Variants in NDUFA11 observed in about 807,000 individuals in gnomAD.
The protein encoded by NDUFA11 is NADH dehydrogenase [ubiquinone] 1 alpha subcomplex subunit 11.
Under a neutral mutation model 11.3 loss-of-function variants are expected in NDUFA11, and 14 were observed. The observed-to-expected ratio is 1.24, with a 90% CI of 0.82 to 1.94. NDUFA11 has a LOEUF of 1.94. Ranked by LOEUF, NDUFA11 falls within the 30% of genes most tolerant of loss-of-function variation. The pLI is 0.00. For synonymous variants in NDUFA11, 87 were observed against 85.6 expected (o/e 1.02, Z -0.09); for missense variants, 204 against 200.3 (o/e 1.02, Z -0.11).
At chr19:5,900,207 GAAGGGAA>G (rs1270821320) in intron 1 of NDUFA11, among the ~76,000 whole-genome samples, 8 of 152,208 alleles carry the variant, frequency 5.3e-5, no homozygotes, top group South Asian at 2.1e-4. Context: ...CCTTCCCTCT[GAAGGGAA>G]ACTGCTGGTT....
downstream of NDUFA11, chr19:5,892,979 T>C (rs1042019873): frequency 2.4e-5 from 36 of 1,513,194 alleles, no homozygotes; most frequent in Non-Finnish European, 3.2e-5. Flanking sequence ...TGGACAGGTG[T>C]CAGGGCCCCT....
intron 1 of NDUFA11, among the ~76,000 whole-genome samples, chr19:5,900,683 C>T (rs892980906): frequency 1.3e-5 from 2 of 152,070 alleles, no homozygotes; most frequent in Non-Finnish European, 2.9e-5. Flanking sequence ...TTTGGGAGGC[C>T]AAGGCGGGCG....
At position 5,896,783 on chromosome 19, in the gene NDUFA11, G is replaced by A. The variant is rs575343747; in HGVS notation, c.190+122C>T. ...GATAAAGGAACACCCCACTTTCTCCGGATGGCCAGCACTGTGGACACGGGC... is the reference window on the plus strand; with the variant it reads ...GATAAAGGAACACCCCACTTTCTCCAGATGGCCAGCACTGTGGACACGGGC... On this transcript the variant is annotated intron_variant, in intron 2 of 3. Coordinates refer to ENST00000308961, the MANE Select transcript of NDUFA11 (RefSeq NM_175614.5). The surrounding 1 kb of genome is among the most constrained non-coding windows in gnomAD (Gnocchi z 5.8). 9.4e-5 allele frequency: 112 copies of A among 1,186,106 alleles called. No homozygotes were observed. The highest frequency in any genetic ancestry group is 7.4e-4 in the South Asian group (61 of 82,656). The allele number at this position is 1,186,106 out of a possible 1,614,324, so 73.5% of individuals were successfully genotyped here.
intron 1 of NDUFA11, among the ~76,000 whole-genome samples, chr19:5,897,830 G>A (rs915762523): frequency 2.0e-5 from 3 of 152,208 alleles, no homozygotes; most frequent in African/African-American, 7.2e-5. Flanking sequence ...GAGTGAGGCT[G>A]GGCAGTCCCT....
At chr19:5,893,065 G>A, downstream of NDUFA11, 1 of 1,536,100 alleles carries the variant, frequency 6.5e-7, no homozygotes. The surrounding 1 kb of genome is among the most constrained non-coding windows in gnomAD (Gnocchi z 4.1). Context: ...CTCCGGAAGT[G>A]GACGTGACCC....
intron 1 of NDUFA11, among the ~76,000 whole-genome samples, chr19:5,900,655 C>T (rs193042815): frequency 8.9e-4 from 136 of 152,304 alleles, no homozygotes; most frequent in African/African-American, 3.1e-3. Context: ...CAGTGGCTCA[C>T]GCCTGTAATC....
intron 1 of NDUFA11, among the ~76,000 whole-genome samples, chr19:5,898,635 A>G (rs1442453823): frequency 6.6e-6 from 1 of 152,140 alleles, no homozygotes; most frequent in East Asian, 1.9e-4. Context: ...GCACTTTAAG[A>G]GGCCAAGGTG....
At chr19:5,899,626 ATTATTAT>A (rs1344168745) in intron 1 of NDUFA11, among the ~76,000 whole-genome samples, 1 of 72,358 alleles carries the variant, frequency 1.4e-5, no homozygotes, top group Non-Finnish European at 2.9e-5. Context: ...AATTATTATT[ATTATTAT>A]TTTTTGTATT....
chr19:5,897,121 G>T, intron 1 of NDUFA11, 124 bp from the exon 2 acceptor site: 1 of 791,900 alleles, frequency 1.3e-6, no homozygotes, highest in South Asian at 1.4e-5. Context: ...TGCCCATAGT[G>T]TCCCCGGCTG....
intron 1 of NDUFA11, chr19:5,901,206 T>C (rs2057643292): frequency 1.1e-6 from 1 of 882,256 alleles, no homozygotes; most frequent in African/African-American, 1.8e-5. Flanking sequence ...CCACTCATTT[T>C]GTATTCACAC....
In NDUFA11 at chr19:5,903,677, T is replaced by C. The variant is rs1160825293; in HGVS notation, c.32A>G (p.Asp11Gly). The C allele has an allele frequency of 1.9e-6, 3 of 1,551,510 alleles. No individual in the cohort carries two copies. The highest frequency in any genetic ancestry group is 4.9e-5 in the East Asian group (2 of 40,918). ...GTGGCAATCGGTGCCATCGGGGATA[T>C]CCCAGTACTGACGAAAAACCTTCGG... is the stretch of plus-strand genomic sequence containing the variant. MAPKVFRQYW[D>G]IPDGTDCHRK... is the part of the protein sequence containing the mutation. Residue 11 changes from aspartate (D) to glycine (G), a missense_variant, in exon 1 of 4, where the codon GAT (aspartate) becomes GGT (glycine). Transcript: ENST00000308961.
intron 1 of NDUFA11, among the ~76,000 whole-genome samples, chr19:5,899,160 T>C (rs2057628920): frequency 6.6e-6 from 1 of 150,624 alleles, no homozygotes; most frequent in African/African-American, 2.4e-5. Context: ...TTTTTTTTTT[T>C]TTTTCTTGAG....
downstream of NDUFA11, chr19:5,892,814 C>T: frequency 2.2e-6 from 3 of 1,354,530 alleles, no homozygotes; most frequent in Non-Finnish European, 2.9e-6. Flanking sequence ...GTGGAATCGT[C>T]TTTCTTTGTG....
chr19:5,897,232 T>A (rs1332225291), intron 1 of NDUFA11, among the ~76,000 whole-genome samples: 1 of 152,166 alleles, frequency 6.6e-6, no homozygotes, highest in East Asian at 1.9e-4. Flanking sequence ...TTGGCCACTT[T>A]CTCAAGCCTG....
chr19:5,898,050 C>A (rs1487355610), intron 1 of NDUFA11, among the ~76,000 whole-genome samples: 1 of 152,222 alleles, frequency 6.6e-6, no homozygotes, highest in Non-Finnish European at 1.5e-5. Flanking sequence ...ACAGAACTGC[C>A]AGGGATGGGC....
downstream of NDUFA11, among the ~76,000 whole-genome samples, chr19:5,893,794 G>C (rs1252727427): frequency 1.3e-5 from 2 of 152,188 alleles, no homozygotes; most frequent in Admixed American, 1.3e-4. This position sits in a 1 kb window ranked among gnomAD's most constrained non-coding sequence, Gnocchi z 4.1. Flanking sequence ...GGATGGGCTT[G>C]AGAAAAGGGA....
intron 3 of NDUFA11, chr19:5,895,775 C>T (rs1599692104): frequency 6.5e-6 from 1 of 154,468 alleles, no homozygotes; most frequent in Admixed American, 6.3e-5. Context: ...GACGGGCTCC[C>T]CTGTGCCAAG....
intron 1 of NDUFA11, among the ~76,000 whole-genome samples, chr19:5,900,833 G>A (rs2057640174): frequency 6.6e-6 from 1 of 151,152 alleles, no homozygotes; most frequent in African/African-American, 2.4e-5. Context: ...CACAAGAATT[G>A]CTGGGAGGCA....
Position 5,896,694 on chromosome 19 carries a change from G to T in NDUFA11, c.191-119C>A. On this transcript the variant is annotated intron_variant, in intron 2 of 3. Coordinates refer to ENST00000308961, the MANE Select transcript of NDUFA11 (RefSeq NM_175614.5). This position sits in a 1 kb window ranked among gnomAD's most constrained non-coding sequence, Gnocchi z 5.8. ...CACGAGTCGGCTGCTCGCTGTGCAT[G>T]GCAGCCTCCTGGCCCCAGTCCTGGA... 6.9e-7 allele frequency: 1 copy of T among 1,442,158 alleles called. No homozygotes were observed. The highest frequency in any genetic ancestry group is 1.2e-5 in the South Asian group (1 of 82,990). 89.3% of individuals were successfully genotyped at this position (1,442,158 alleles called of 1,614,324 possible). A position where few individuals can be genotyped will look rare whatever the true frequency, so the allele number is the denominator to read the frequency against.
Sources: gnomAD v4.1 joint callset for allele counts (sites outside exome capture counted in the v4.1 genomes callset) on GRCh38, gnomAD v4.1.1 for gene constraint, Gnocchi (gnomAD v3.1) non-coding constraint, MANE v1.5 for transcripts, NCBI Gene and HGNC (gene_info 2026-07-23, HGNC 2026-07-21) for gene names.